RARRES1: variants seen among roughly 807,000 people sequenced by gnomAD.
RARRES1 encodes retinoic acid receptor responder 1.
In RARRES1, 34 loss-of-function variants were observed where a neutral mutation model predicts 30.6. The observed-to-expected ratio is 1.11, with a 90% CI of 0.84 to 1.48. The LOEUF (loss-of-function observed/expected upper bound fraction) is 1.48, where lower values mean the gene tolerates loss of function less well. RARRES1 is among the 40% of genes most tolerant of loss of function. RARRES1 has a pLI of 0.00. For synonymous variants in RARRES1, 153 were observed against 155.5 expected (o/e 0.98, Z 0.12); for missense variants, 373 against 386.5 (o/e 0.97, Z 0.29).
intron 1 of RARRES1, 45 bp from the exon 2 acceptor site, chr3:158,713,904 A>G (rs1241341194): frequency 6.6e-7 from 1 of 1,518,794 alleles, no homozygotes; most frequent in Non-Finnish European, 9.1e-7. Flanking sequence ...AGCTCCCTTA[A>G]ACATCCTCAT....
At chr3:158,718,695 T>C (rs1435641746) in intron 1 of RARRES1, among the ~76,000 whole-genome samples, 1 of 152,192 alleles carries the variant, frequency 6.6e-6, no homozygotes, top group African/African-American at 2.4e-5. Flanking sequence ...AACTGACTCA[T>C]ATAAGGATGT....
chr3:158,712,844 G>A (rs1249791639), intron 2 of RARRES1, among the ~76,000 whole-genome samples: 1 of 152,208 alleles, frequency 6.6e-6, no homozygotes, highest in South Asian at 2.1e-4. Context: ...CAAATCCAGG[G>A]AAGCATATTG....
chr3:158,712,746 C>T (rs17643053), intron 2 of RARRES1, among the ~76,000 whole-genome samples: 260 of 152,258 alleles, frequency 1.7e-3, no homozygotes, highest in Admixed American at 0.014. Flanking sequence ...GAATCAAAGC[C>T]GTTGCCTGAG....
At chr3:158,711,231 G>A (rs1727127182) in intron 2 of RARRES1, among the ~76,000 whole-genome samples, 2 of 152,120 alleles carry the variant, frequency 1.3e-5, no homozygotes, top group Non-Finnish European at 1.5e-5. Flanking sequence ...TAGAGTAGTG[G>A]CCACTTTACT....
Position 158,723,934 on chromosome 3 carries a change from G to T in RARRES1, c.276+8206C>A, listed in dbSNP as rs886953925. 1.3e-5 allele frequency among the ~76,000 whole-genome samples: 2 copies of T among 152,170 alleles called. No homozygotes were observed. Among genetic ancestry groups the T allele is most frequent in the African/African-American group, 4.8e-5 (2 of 41,430 alleles). On this transcript the variant is annotated intron_variant, in intron 1 of 5. Coordinates refer to ENST00000237696, the MANE Select transcript of RARRES1 (RefSeq NM_206963.2). This position sits in a 1 kb window ranked among gnomAD's most constrained non-coding sequence, Gnocchi z 4.4. Reference sequence around the variant, plus strand: ...AATATCTAATATTTGTCTCTAGCAGGCCATGTGCTAGTGCAATGAAGGAGA... The same window carrying T: ...AATATCTAATATTTGTCTCTAGCAGTCCATGTGCTAGTGCAATGAAGGAGA...
chr3:158,722,407 T>C (rs1010817705), intron 1 of RARRES1, among the ~76,000 whole-genome samples: 2 of 152,188 alleles, frequency 1.3e-5, no homozygotes, highest in Non-Finnish European at 2.9e-5. Context: ...TTTTGAAATA[T>C]TGCATAAAAT....
At chr3:158,703,800 AC>A (rs1267358227) in intron 4 of RARRES1, among the ~76,000 whole-genome samples, 2 of 152,092 alleles carry the variant, frequency 1.3e-5, no homozygotes, top group Admixed American at 6.6e-5. Context: ...TACATAACTT[AC>A]CTTCTTTGTC....
intron 1 of RARRES1, among the ~76,000 whole-genome samples, chr3:158,721,717 G>A (rs1462168307): frequency 1.3e-5 from 2 of 152,200 alleles, no homozygotes; most frequent in Non-Finnish European, 2.9e-5. Flanking sequence ...CTTAGAAAGT[G>A]CATGTGGCAG....
In RARRES1 at chr3:158,732,174, C is replaced by G; in HGVS notation, c.242G>C (p.Arg81Pro). The G allele has an allele frequency of 7.1e-7, 1 of 1,416,112 alleles. No individual in the cohort carries two copies. Among genetic ancestry groups the G allele is most frequent in the Non-Finnish European group, 9.2e-7 (1 of 1,091,830 alleles). The allele number at this position is 1,416,112 out of a possible 1,614,324, so 87.7% of individuals were successfully genotyped here. The change falls in exon 1 of 6, where the codon CGA becomes CCA. Residue 81 changes from arginine (R) to proline (P), a missense_variant. Transcript: ENST00000237696. ...GCCCTCCTGCACCTCGGCCAGCACT[C>G]GTAGCGCGCTGGGCGAGCCGGACCG... ...NFRSGSPSALRVLAEVQEGRA... is the reference protein window; with the variant it reads ...NFRSGSPSALPVLAEVQEGRA...
At position 158,732,212 on chromosome 3, in the gene RARRES1, G is replaced by A. The variant is rs554462997; in HGVS notation, c.204C>T (p.His68=). The A allele has an allele frequency of 8.5e-6, 12 of 1,414,732 alleles. No homozygotes were observed. The African/African-American group carries it at 1.3e-4, about 16-fold the overall frequency. 87.6% of individuals were successfully genotyped at this position (1,414,732 alleles called of 1,614,324 possible). Residue 68 remains histidine (H), a synonymous_variant, in exon 1 of 6, where the codon CAC becomes CAT. Coordinates refer to ENST00000237696, the MANE Select transcript of RARRES1 (RefSeq NM_206963.2). ...LLQQAARAAL[H]FFNFRSGSPS... is the part of the protein sequence containing the mutation. ...GCGAGCCGGACCGGAAGTTGAAGAA[G>A]TGAAGCGCCGCGCGCGCCGCCTGCT...
intron 4 of RARRES1, among the ~76,000 whole-genome samples, chr3:158,702,478 A>ACC (rs1226471446): frequency 6.6e-6 from 1 of 152,184 alleles, no homozygotes. Context: ...CTATTTTTGT[A>ACC]CCCTAGTATG....
chr3:158,715,821 T>G (rs1326452313), intron 1 of RARRES1, among the ~76,000 whole-genome samples: 1 of 152,054 alleles, frequency 6.6e-6, no homozygotes, highest in Non-Finnish European at 1.5e-5. Context: ...TGGACAAGGC[T>G]CCCATGACCT....
At position 158,732,259 on chromosome 3, in the gene RARRES1, C is replaced by G; in HGVS notation, c.157G>C (p.Gly53Arg). ...TGCTGCAGGAGCCTGCGCGGGACCC[C>G]AGCATCCTGAGGCTGCCCAGGGTCG... is the stretch of plus-strand genomic sequence containing the variant. ...PDDPGQPQDA[G>R]VPRRLLQQAA... Residue 53 changes from glycine (G) to arginine (R), a missense_variant, in exon 1 of 6, where the codon GGG becomes CGG. By Grantham distance (125) the Gly-to-Arg change is moderately radical (BLOSUM62 -2). Transcript: ENST00000237696. 1 of 1,373,438 alleles carries G rather than the reference C, an allele frequency of 7.3e-7. No individual in the cohort carries two copies. The highest frequency in any genetic ancestry group is 1.8e-5 in the South Asian group (1 of 57,056). 85.1% of individuals were successfully genotyped at this position (1,373,438 alleles called of 1,614,324 possible).
chr3:158,716,104 C>T (rs9847162), intron 1 of RARRES1, among the ~76,000 whole-genome samples: 48,591 of 152,048 alleles, frequency 0.32, 7,835 homozygotes, highest in South Asian at 0.44. Context: ...GAGGAGTCAG[C>T]GACACCCTCA....
chr3:158,711,600 CTT>C (rs1175463184), intron 2 of RARRES1, among the ~76,000 whole-genome samples: 48 of 121,280 alleles, frequency 4.0e-4, no homozygotes, highest in East Asian at 1.9e-3. Context: ...TTGCATTCAT[CTT>C]TTTTTTTTTT....
intron 1 of RARRES1, among the ~76,000 whole-genome samples, chr3:158,721,732 A>G (rs949956366): frequency 2.6e-5 from 4 of 152,140 alleles, no homozygotes; most frequent in Non-Finnish European, 5.9e-5. Context: ...TGGCAGGTCT[A>G]CCCTCTGCTT....
intron 4 of RARRES1, among the ~76,000 whole-genome samples, chr3:158,699,735 C>G (rs1345581280): frequency 3.3e-5 from 5 of 152,076 alleles, no homozygotes; most frequent in African/African-American, 1.2e-4. Context: ...TCACAGTGTA[C>G]CCACGAATGT....
At position 158,697,812 on chromosome 3, in the gene RARRES1, G is replaced by C. The variant is rs767507067; in HGVS notation, c.751C>G (p.Arg251Gly). 6.2e-7 allele frequency: 1 copy of C among 1,609,474 alleles called. No homozygotes were observed. The highest frequency in any genetic ancestry group is 1.3e-5 in the African/African-American group (1 of 74,704). The change falls in exon 6 of 6, where the codon CGC becomes GGC. Residue 251 changes from arginine (R) to glycine (G), a missense_variant. By Grantham distance (125) the Arg-to-Gly change is moderately radical. Transcript: ENST00000237696. ...ELSTQEIIPC[R>G]IHLVWYPGKP... The stretch of plus-strand genomic sequence containing the variant: ...CCAGGGTACCAGACCAAGTGAATGC[G>C]ACAGGGAATTATTTCCTAGGAAATA...
chr3:158,714,722 A>G (rs1727264299), intron 1 of RARRES1, among the ~76,000 whole-genome samples: 1 of 152,134 alleles, frequency 6.6e-6, no homozygotes, highest in Non-Finnish European at 1.5e-5. Flanking sequence ...TCTTTTTTTT[A>G]AGAGAGCAAA....
Sources: allele counts gnomAD v4.1 joint callset (sites outside exome capture counted in the v4.1 genomes callset), GRCh38; gene constraint gnomAD v4.1.1; non-coding constraint Gnocchi (gnomAD v3.1); transcripts MANE v1.5; gene names NCBI Gene and HGNC (gene_info 2026-07-23, HGNC 2026-07-21).